The following RIF1 variants were observed in gnomAD, a reference collection of about 807,000 sequenced individuals.
The protein encoded by RIF1 is telomere-associated protein RIF1.
In RIF1, 45 loss-of-function variants were observed where a neutral mutation model predicts 247.1. The ratio of observed to expected loss-of-function variants is 0.18; its 90% CI spans 0.14 to 0.23. The LOEUF (loss-of-function observed/expected upper bound fraction) is 0.23. RIF1 is among the 10% of genes least tolerant of loss of function. RIF1 has a pLI of 1.00. For missense variants in RIF1, 2,967 were observed against 2,862.5 expected (o/e 1.04, Z -0.83); for synonymous variants, 1,087 against 978.8 (o/e 1.11, Z -2.06).
chr2:151,419,636 T>C, intron 6 of RIF1, among the ~76,000 whole-genome samples: 1 of 152,184 alleles, frequency 6.6e-6, no homozygotes, highest in Non-Finnish European at 1.5e-5. Context: ...TCATTTATTA[T>C]CATTATCATA....
At chr2:151,505,794 G>A (rs1360950133) in intron 12 of RIF1, among the ~76,000 whole-genome samples, 1 of 152,146 alleles carries the variant, frequency 6.6e-6, no homozygotes, top group African/African-American at 2.4e-5. Flanking sequence ...TTTGGGGCAG[G>A]GATGGGGGCC....
At chr2:151,531,853 G>A in the RIF1 span, 3 of 1,612,184 alleles carry the variant, frequency 1.9e-6, no homozygotes, top group Admixed American at 3.3e-5. Context: ...CACAATTGAG[G>A]TAAATTTGTC....
At chr2:151,470,372 T>C (rs899383038) in intron 34 of RIF1, among the ~76,000 whole-genome samples, 14 of 152,156 alleles carry the variant, frequency 9.2e-5, no homozygotes, top group Non-Finnish European at 4.4e-5. Context: ...AGAGACCCTC[T>C]ATCCATTGAC....
intron 34 of RIF1, among the ~76,000 whole-genome samples, chr2:151,470,641 A>G (rs1219757769): frequency 6.6e-6 from 1 of 152,140 alleles, no homozygotes; most frequent in East Asian, 1.9e-4. Context: ...GAAGTTTTGA[A>G]TAAATGAAAA....
chr2:151,468,273 T>G (rs1044397929), intron 31 of RIF1, 127 bp downstream of exon 31: 1 of 1,019,038 alleles, frequency 9.8e-7, no homozygotes, highest in Non-Finnish European at 1.4e-6. Flanking sequence ...TTCTTTTGTC[T>G]GGTACACGGT....
the RIF1 span, chr2:151,514,774 A>G: frequency 3.2e-5 from 41 of 1,300,088 alleles, no homozygotes; most frequent in African/African-American, 5.0e-4. Flanking sequence ...CACTAGTGCA[A>G]TTATTTGGAT....
At position 151,465,508 on chromosome 2, in the gene RIF1, T is replaced by G. The variant is rs200480463; in HGVS notation, c.5988T>G (p.Ala1996=). Reference sequence around the variant, plus strand: ...CTGAGATTTCTGAACAAACAGCAGCTGGGGAACTAGATGGAGGAAATGATG... The same window carrying G: ...CTGAGATTTCTGAACAAACAGCAGCGGGGGAACTAGATGGAGGAAATGATG... ...AQTEISEQTA[A]GELDGGNDVS... is the part of the protein sequence containing the mutation. The change falls in exon 30 of 36, where the codon GCT becomes GCG. Residue 1996 remains alanine, a synonymous_variant. Transcript: ENST00000444746. 59 of 1,613,776 alleles carry G rather than the reference T, an allele frequency of 3.7e-5. No individual in the cohort carries two copies. The highest frequency in any genetic ancestry group is 4.8e-5 in the Non-Finnish European group (57 of 1,179,928).
At chr2:151,467,917 G>C in intron 30 of RIF1, 83 bp from the exon 31 acceptor site, 1 of 1,339,510 alleles carries the variant, frequency 7.5e-7, no homozygotes, top group Non-Finnish European at 1.0e-6. Flanking sequence ...TTCTATTTTT[G>C]GGTAACCTCA....
chr2:151,534,410 A>G, the RIF1 span: 2 of 1,065,452 alleles, frequency 1.9e-6, no homozygotes, highest in Admixed American at 1.7e-5. Flanking sequence ...GGGCCAGAAC[A>G]TGTCATCTCT....
chr2:151,438,259 C>G (rs1008644364), intron 13 of RIF1, among the ~76,000 whole-genome samples: 2 of 152,060 alleles, frequency 1.3e-5, no homozygotes, highest in African/African-American at 4.8e-5. Flanking sequence ...GTGGGAGGTT[C>G]ACTTGAGGCA....
intron 7 of RIF1, among the ~76,000 whole-genome samples, chr2:151,421,305 G>A (rs1222477451): frequency 6.6e-6 from 1 of 152,204 alleles, no homozygotes; most frequent in Non-Finnish European, 1.5e-5. Flanking sequence ...GTCAGAGAAG[G>A]CAAAGGAAAG....
At chr2:151,434,732 G>A (rs1690837135) in intron 10 of RIF1, among the ~76,000 whole-genome samples, 1 of 152,066 alleles carries the variant, frequency 6.6e-6, no homozygotes, top group Non-Finnish European at 1.5e-5. Context: ...GAGCCACTGC[G>A]CCAGCCTGGT....
chr2:151,508,115 A>C, downstream of RIF1: 3 of 1,584,608 alleles, frequency 1.9e-6, no homozygotes, highest in Non-Finnish European at 2.6e-6. Context: ...TTTTTCTGGG[A>C]ATAGATTCCA....
chr2:151,449,999 G>A (rs577036389), intron 20 of RIF1, among the ~76,000 whole-genome samples: 1 of 151,924 alleles, frequency 6.6e-6, no homozygotes, highest in Non-Finnish European at 1.5e-5. Flanking sequence ...GTGCCACCAC[G>A]CCTGGCTAAT....
Position 151,428,020 on chromosome 2 carries a change from G to A in RIF1, c.787-764G>A, listed in dbSNP as rs183568785. Among the ~76,000 whole-genome samples, 245 of 152,256 alleles carry A rather than the reference G, an allele frequency of 1.6e-3. 2 individuals are homozygous for A. The South Asian group carries it at 0.029, about 18-fold the overall frequency. On this transcript the variant is annotated intron_variant, in intron 8 of 35. Transcript: ENST00000444746. Reference sequence around the variant, plus strand: ...TGCAGTGAGCTGAGATCCAGCCATTGCACTCCAGCCGGGTGACAGAGCAAG... The same window carrying A: ...TGCAGTGAGCTGAGATCCAGCCATTACACTCCAGCCGGGTGACAGAGCAAG...
In RIF1 at chr2:151,466,055, A is replaced by G; in HGVS notation, c.6535A>G (p.Thr2179Ala). 3.1e-6 allele frequency: 5 copies of G among 1,612,140 alleles called. No individual in the cohort carries two copies. Among genetic ancestry groups the G allele is most frequent in the Non-Finnish European group, 4.2e-6 (5 of 1,178,826 alleles). Residue 2179 changes from threonine (T) to alanine (A), a missense_variant, in exon 30 of 36, where the codon ACG (threonine) becomes GCG (alanine). Coordinates refer to ENST00000444746, the MANE Select transcript of RIF1 (RefSeq NM_018151.5). Reference protein sequence around the residue: ...CVWSPLASPSTSILKRGLKRS... With the variant: ...CVWSPLASPSASILKRGLKRS... ...CTGGTCTCCTTTGGCTTCTCCGTCT[A>G]CGAGCATTTTAAAGAGAGGACTAAA... is the stretch of plus-strand genomic sequence containing the variant.
downstream of RIF1, chr2:151,508,023 G>C: frequency 1.9e-6 from 3 of 1,608,588 alleles, no homozygotes; most frequent in Non-Finnish European, 2.5e-6. Context: ...AGTTCTTTTG[G>C]TTCTCCCGGA....
intron 8 of RIF1, among the ~76,000 whole-genome samples, chr2:151,427,104 C>CT: frequency 6.6e-6 from 1 of 151,764 alleles, no homozygotes; most frequent in Non-Finnish European, 1.5e-5. Flanking sequence ...GGTTTATAGC[C>CT]TGTTAAGATT....
At chr2:151,449,697 GTTTTA>G (rs1180039772) in intron 20 of RIF1, among the ~76,000 whole-genome samples, 1 of 152,074 alleles carries the variant, frequency 6.6e-6, no homozygotes, top group East Asian at 1.9e-4. Flanking sequence ...ACAACATGTA[GTTTTA>G]TTTTATTGAT....
Sources: allele counts gnomAD v4.1 joint callset (sites outside exome capture counted in the v4.1 genomes callset), GRCh38; gene constraint gnomAD v4.1.1; transcripts MANE v1.5; gene names NCBI Gene and HGNC (gene_info 2026-07-23, HGNC 2026-07-21).